The following STX8 variants were observed in gnomAD, a reference collection of about 807,000 sequenced individuals.
The protein encoded by STX8 is syntaxin 8, also known as syntaxin-8.
In STX8, 23 loss-of-function variants were observed where a neutral mutation model predicts 37.5. The observed-to-expected ratio is 0.61, with a 90% CI of 0.44 to 0.87. The LOEUF (loss-of-function observed/expected upper bound fraction) is 0.87, where lower values mean the gene tolerates loss of function less well. Ranked by LOEUF, STX8 falls within the 40% of genes least tolerant of loss-of-function variation. The pLI is 0.00. For missense variants in STX8, 313 were observed against 284.7 expected, an observed-to-expected ratio of 1.10 and a Z score of -0.71; for synonymous variants, 115 against 99.1, an observed-to-expected ratio of 1.16 and a Z score of -0.95.
At chr17:9,324,143 C>A (rs1472522450) in intron 7 of STX8, among the ~76,000 whole-genome samples, 1 of 151,726 alleles carries the variant, frequency 6.6e-6, no homozygotes, top group Non-Finnish European at 1.5e-5. Flanking sequence ...CACACACACA[C>A]ACACACACAC....
chr17:9,514,241 T>G (rs1353887812), intron 4 of STX8, among the ~76,000 whole-genome samples: 1 of 152,242 alleles, frequency 6.6e-6, no homozygotes, highest in East Asian at 1.9e-4. Flanking sequence ...GACTGGCTCA[T>G]TATATATTAC....
intron 6 of STX8, among the ~76,000 whole-genome samples, chr17:9,481,735 G>C (rs1394120730): frequency 1.3e-5 from 2 of 152,194 alleles, no homozygotes; most frequent in African/African-American, 4.8e-5. Flanking sequence ...GTGAGCAGCA[G>C]GCAAGTGAGC....
intron 6 of STX8, among the ~76,000 whole-genome samples, chr17:9,415,473 C>G (rs1435112474): frequency 6.6e-6 from 1 of 152,042 alleles, no homozygotes; most frequent in Admixed American, 6.6e-5. Flanking sequence ...ATGACTGTTA[C>G]AAAAGCAATG....
At chr17:9,415,790 T>G (rs955174427) in intron 6 of STX8, among the ~76,000 whole-genome samples, 1 of 152,080 alleles carries the variant, frequency 6.6e-6, no homozygotes, top group African/African-American at 2.4e-5. Flanking sequence ...CAAAAAGCAA[T>G]GGCTTTTCTT....
At chr17:9,253,201 G>T (rs1267839267) in intron 7 of STX8, among the ~76,000 whole-genome samples, 2 of 82,298 alleles carry the variant, frequency 2.4e-5, no homozygotes, top group Non-Finnish European at 6.0e-5. Context: ...AGAAGGCAGG[G>T]GTAGGGGTGT....
chr17:9,543,927 G>A (rs1294512768), intron 4 of STX8, among the ~76,000 whole-genome samples: 5 of 152,116 alleles, frequency 3.3e-5, no homozygotes, highest in Non-Finnish European at 7.4e-5. Flanking sequence ...GAGAAGACTG[G>A]AACCCACAGG....
chr17:9,534,269 T>C (rs1034310243), intron 4 of STX8, among the ~76,000 whole-genome samples: 11 of 151,630 alleles, frequency 7.3e-5, no homozygotes, highest in African/African-American at 2.7e-4. Context: ...ACAAATAAAT[T>C]TGACCAAAAA....
At chr17:9,301,997 T>C (rs1017674416) in intron 7 of STX8, among the ~76,000 whole-genome samples, 10 of 152,194 alleles carry the variant, frequency 6.6e-5, no homozygotes, top group African/African-American at 2.4e-4. Flanking sequence ...ATAGTTTATA[T>C]AACATAGAAA....
At chr17:9,321,720 A>G (rs1909584471) in intron 7 of STX8, among the ~76,000 whole-genome samples, 1 of 151,824 alleles carries the variant, frequency 6.6e-6, no homozygotes. Context: ...GGGTTTCACC[A>G]TGTTGGCCAG....
intron 6 of STX8, among the ~76,000 whole-genome samples, chr17:9,381,737 G>A (rs898882823): frequency 5.3e-5 from 8 of 152,200 alleles, no homozygotes; most frequent in East Asian, 1.9e-4. Flanking sequence ...TTGGGAGGCC[G>A]AGGCGGGCGG....
At chr17:9,472,133 C>T (rs1479809603) in intron 6 of STX8, among the ~76,000 whole-genome samples, 1 of 150,078 alleles carries the variant, frequency 6.7e-6, no homozygotes, top group East Asian at 2.0e-4. Flanking sequence ...TTGCCTGAGG[C>T]TGCTCCACTA....
chr17:9,478,175 G>A (rs946178087), intron 6 of STX8, among the ~76,000 whole-genome samples: 9 of 152,006 alleles, frequency 5.9e-5, no homozygotes, highest in Admixed American at 2.6e-4. Context: ...TAGCTCTGTC[G>A]CCCAGGCTGG....
At chr17:9,550,272 G>T (rs969446128) in intron 3 of STX8, among the ~76,000 whole-genome samples, 3 of 150,812 alleles carry the variant, frequency 2.0e-5, no homozygotes, top group Non-Finnish European at 4.4e-5. Context: ...CAGTGCTGGG[G>T]AACCTCCTCT....
chr17:9,258,143 T>G (rs1467767242), intron 7 of STX8, among the ~76,000 whole-genome samples: 3 of 152,232 alleles, frequency 2.0e-5, no homozygotes, highest in Admixed American at 2.0e-4. Context: ...TTGTTTTATT[T>G]TTTTGGCAGT....
chr17:9,428,491 T>C (rs1045262504), intron 6 of STX8, among the ~76,000 whole-genome samples: 6 of 152,272 alleles, frequency 3.9e-5, no homozygotes, highest in African/African-American at 4.8e-5. Context: ...CCACCCGCCT[T>C]GGCCTCCCAA....
At chr17:9,440,700 T>C (rs1021497164) in intron 6 of STX8, among the ~76,000 whole-genome samples, 1 of 152,090 alleles carries the variant, frequency 6.6e-6, no homozygotes, top group African/African-American at 2.4e-5. Context: ...AATTTTTGTA[T>C]TTTTAGTAGA....
At chr17:9,396,485 C>T (rs1008040354) in intron 6 of STX8, among the ~76,000 whole-genome samples, 12 of 151,896 alleles carry the variant, frequency 7.9e-5, no homozygotes, top group East Asian at 7.8e-4. Context: ...CTGAGGTGGG[C>T]GGGTCATCTG....
chr17:9,480,063 A>G (rs1437152975), intron 6 of STX8, among the ~76,000 whole-genome samples: 2 of 152,136 alleles, frequency 1.3e-5, no homozygotes, highest in Admixed American at 1.3e-4. Context: ...GGCTTTTCTA[A>G]CCCTCAAACC....
At chr17:9,410,256 CT>C (rs1286358692) in intron 6 of STX8, among the ~76,000 whole-genome samples, 1 of 152,200 alleles carries the variant, frequency 6.6e-6, no homozygotes, top group Non-Finnish European at 1.5e-5. Context: ...GAGTTAATTT[CT>C]ATTTCAAATT....
Sources: gnomAD v4.1 joint callset for allele counts (sites outside exome capture counted in the v4.1 genomes callset) on GRCh38, gnomAD v4.1.1 for gene constraint, MANE v1.5 for transcripts, NCBI Gene and HGNC (gene_info 2026-07-23, HGNC 2026-07-21) for gene names.